Variants in ZNF146 observed in about 807,000 individuals in gnomAD.
ZNF146 encodes zinc finger protein 146.
ZNF146 carries 9 observed loss-of-function variants against 22.2 expected under a neutral mutation model. The ratio of observed to expected loss-of-function variants is 0.41; its 90% CI spans 0.24 to 0.71. ZNF146 has a LOEUF of 0.71. Ranked by LOEUF, ZNF146 falls within the 30% of genes least tolerant of loss-of-function variation. ZNF146 has a pLI of 0.34. For synonymous variants in ZNF146, 108 were observed against 119.2 expected (o/e 0.91, Z 0.61); for missense variants, 194 against 344.8 (o/e 0.56, Z 3.46).
At position 36,220,951 on chromosome 19, in the gene ZNF146, C is replaced by G. The variant is rs145366802; in HGVS notation, c.-855+2756C>G. 7.9e-5 allele frequency among the ~76,000 whole-genome samples: 12 copies of G among 151,504 alleles called. No homozygotes were observed. The East Asian group carries it at 2.3e-3, about 29-fold the overall frequency. ...ACTTGCAACATCTGCCTCCCCAGTT[C>G]CAGCGATTCTCCTGCCTCAGCCTCC... On this transcript the variant is annotated intron_variant, in intron 2 of 3. Transcript: ENST00000443387.
At chr19:36,233,491 G>GC (rs1457084206) in intron 3 of ZNF146, among the ~76,000 whole-genome samples, 2 of 152,074 alleles carry the variant, frequency 1.3e-5, no homozygotes, top group African/African-American at 4.8e-5. Context: ...GGGAGGACCT[G>GC]CATACGGAGG....
intron 3 of ZNF146, among the ~76,000 whole-genome samples, chr19:36,230,790 GCCTT>G (rs759742119): frequency 1.3e-5 from 2 of 152,184 alleles, no homozygotes; most frequent in South Asian, 2.1e-4. Context: ...CAGAGGGCCA[GCCTT>G]CCTTCCTTTT....
chr19:36,225,752 CTTTTTTTTTTTTT>C (rs67760026), intron 2 of ZNF146, among the ~76,000 whole-genome samples: 12 of 66,726 alleles, frequency 1.8e-4, no homozygotes, highest in African/African-American at 3.0e-4. Flanking sequence ...CTTTGTGATT[CTTTTTTTTTTTTT>C]TTTTTTTTTT....
At chr19:36,226,311 G>T (rs531950263) in intron 2 of ZNF146, among the ~76,000 whole-genome samples, 1 of 152,222 alleles carries the variant, frequency 6.6e-6, no homozygotes, top group Middle Eastern at 3.4e-3. Flanking sequence ...TGTATGTTTC[G>T]GTTTAAATCA....
Position 36,237,193 on chromosome 19 carries a change from G to T in ZNF146, c.753G>T (p.Gln251His), listed in dbSNP as rs1600002438. The T allele has an allele frequency of 6.2e-7, 1 of 1,614,132 alleles. No individual in the cohort carries two copies. The highest frequency in any genetic ancestry group is 8.5e-7 in the Non-Finnish European group (1 of 1,180,004). Reference protein sequence around the residue: ...GCNECGKAFSQFSTLALHLRI... With the variant: ...GCNECGKAFSHFSTLALHLRI... ...ATGAATGTGGGAAAGCTTTCTCTCA[G>T]TTCTCAACCCTTGCTCTGCATTTGA... Residue 251 changes from glutamine (Q) to histidine (H), a missense_variant, in exon 4 of 4, where the codon CAG becomes CAT. Transcript: ENST00000443387.
intron 2 of ZNF146, among the ~76,000 whole-genome samples, chr19:36,220,095 C>G (rs369409745): frequency 1.2e-4 from 18 of 152,268 alleles, no homozygotes; most frequent in African/African-American, 3.8e-4. Context: ...GCACTGCAGG[C>G]TTGTATCTTC....
rs952957684 is a variant in ZNF146 at position 36,238,200 on chromosome 19, G to T, written c.*881G>T. The T allele has an allele frequency of 3.0e-5, 5 of 167,060 alleles. No individual in the cohort carries two copies. The highest frequency in any genetic ancestry group is 1.2e-4 in the African/African-American group (5 of 41,444). The allele number at this position is 167,060 out of a possible 1,614,324, so 10.3% of individuals were successfully genotyped here. ...AACAGAAAGATCCCAGAATTGTTGAGGGGGGATCAAGTTGCAGAATGATAC... is the reference window on the plus strand; with the variant it reads ...AACAGAAAGATCCCAGAATTGTTGATGGGGGATCAAGTTGCAGAATGATAC... On this transcript the variant is annotated 3_prime_UTR_variant, in exon 4 of 4. Coordinates refer to ENST00000443387, the MANE Select transcript of ZNF146 (RefSeq NM_007145.3).
At chr19:36,234,649 G>A (rs1248586046) in intron 3 of ZNF146, among the ~76,000 whole-genome samples, 3 of 152,126 alleles carry the variant, frequency 2.0e-5, no homozygotes, top group African/African-American at 4.8e-5. Flanking sequence ...CGCCCACCTC[G>A]GCCTCCCAAC....
intron 2 of ZNF146, among the ~76,000 whole-genome samples, chr19:36,221,620 A>T (rs1976842384): frequency 1.3e-5 from 2 of 152,112 alleles, no homozygotes; most frequent in Admixed American, 1.3e-4. Flanking sequence ...GAATTTGATT[A>T]CTATTGAAGT....
At chr19:36,225,752 CTTTTTT>C (rs67760026) in intron 2 of ZNF146, among the ~76,000 whole-genome samples, 7 of 66,726 alleles carry the variant, frequency 1.0e-4, no homozygotes, top group Admixed American at 1.9e-4. Flanking sequence ...CTTTGTGATT[CTTTTTT>C]TTTTTTTTTT....
chr19:36,220,948 G>T (rs1976810229), intron 2 of ZNF146, among the ~76,000 whole-genome samples: 1 of 151,094 alleles, frequency 6.6e-6, no homozygotes, highest in South Asian at 2.1e-4. Flanking sequence ...TGCCTCCCCA[G>T]TTCCAGCGAT....
intron 2 of ZNF146, among the ~76,000 whole-genome samples, chr19:36,221,555 T>A (rs1208838819): frequency 6.6e-6 from 1 of 152,174 alleles, no homozygotes; most frequent in Non-Finnish European, 1.5e-5. Context: ...CCCAAAGTAC[T>A]GGGATTACAG....
intron 3 of ZNF146, among the ~76,000 whole-genome samples, chr19:36,233,700 A>G (rs1977501723): frequency 6.6e-6 from 1 of 152,246 alleles, no homozygotes; most frequent in Non-Finnish European, 1.5e-5. Flanking sequence ...ATACATAAAC[A>G]TCTCAATGCC....
chr19:36,225,841 A>T (rs1269579988), intron 2 of ZNF146, among the ~76,000 whole-genome samples: 1 of 147,480 alleles, frequency 6.8e-6, no homozygotes, highest in Non-Finnish European at 1.5e-5. Context: ...GCTCACTGCA[A>T]CGTCCACCTC....
At chr19:36,219,809 A>G (rs1211400851) in intron 2 of ZNF146, among the ~76,000 whole-genome samples, 2 of 152,120 alleles carry the variant, frequency 1.3e-5, no homozygotes, top group South Asian at 2.1e-4. Context: ...GTAGTAGTCT[A>G]TACGTTAAGA....
At chr19:36,228,721 T>G (rs1461083438) in intron 2 of ZNF146, 27 bp from the exon 3 acceptor site, 1 of 152,236 alleles carries the variant, frequency 6.6e-6, no homozygotes, top group African/African-American at 2.4e-5. Flanking sequence ...GCATTAACAT[T>G]GTAATACTGT....
intron 2 of ZNF146, among the ~76,000 whole-genome samples, chr19:36,227,985 ACT>A (rs1293373683): frequency 6.6e-6 from 1 of 152,022 alleles, no homozygotes; most frequent in African/African-American, 2.4e-5. Flanking sequence ...ACATGGTGAA[ACT>A]CTGTCTCTAC....
Position 36,236,419 on chromosome 19 carries a change from A to T in ZNF146, c.-22A>T. 1 of 1,566,816 alleles carries T rather than the reference A, an allele frequency of 6.4e-7. No individual in the cohort carries two copies. The highest frequency in any genetic ancestry group is 8.6e-7 in the Non-Finnish European group (1 of 1,159,918). On this transcript the variant is annotated 5_prime_UTR_variant, in exon 4 of 4. The change abolishes an upstream ATG in the 5' untranslated region. Coordinates refer to ENST00000443387, the MANE Select transcript of ZNF146 (RefSeq NM_007145.3). ...TTTTTACTGGAGAGAAACCTTGTGA[A>T]TGTGGGAAAGCTTCCATTCAGATGT... is the stretch of plus-strand genomic sequence containing the variant.
At chr19:36,223,957 G>GT (rs1233519164) in intron 2 of ZNF146, among the ~76,000 whole-genome samples, 3 of 152,060 alleles carry the variant, frequency 2.0e-5, no homozygotes, top group Non-Finnish European at 4.4e-5. Flanking sequence ...CAGAGCAATA[G>GT]TTTTTTTAAG....
Sources: allele counts gnomAD v4.1 joint callset (sites outside exome capture counted in the v4.1 genomes callset), GRCh38; gene constraint gnomAD v4.1.1; transcripts MANE v1.5; gene names NCBI Gene and HGNC (gene_info 2026-07-23, HGNC 2026-07-21).